Variants in PTPN12 observed in about 807,000 individuals in gnomAD.
PTPN12 encodes the protein tyrosine-protein phosphatase non-receptor type 12.
PTPN12 carries 29 observed loss-of-function variants against 97.6 expected under a neutral mutation model. That is an observed-to-expected ratio of 0.30 (90% confidence interval 0.22 to 0.41). PTPN12 has a LOEUF of 0.41. PTPN12 is among the 10% of genes least tolerant of loss of function. The pLI is 1.00. For missense variants in PTPN12, 819 were observed against 926.0 expected (o/e 0.88, Z 1.50); for synonymous variants, 327 against 300.4 (o/e 1.09, Z -0.91).
intron 9 of PTPN12, among the ~76,000 whole-genome samples, chr7:77,609,894 CAAAA>C (rs767927688): frequency 6.9e-6 from 1 of 143,916 alleles, no homozygotes; most frequent in Admixed American, 6.9e-5. Flanking sequence ...AAAAAAACAA[CAAAA>C]AAAAAACCCA....
At chr7:77,540,187 G>T (rs947293350) in intron 1 of PTPN12, among the ~76,000 whole-genome samples, 1 of 151,912 alleles carries the variant, frequency 6.6e-6, no homozygotes, top group Non-Finnish European at 1.5e-5. Flanking sequence ...TCATGCTTTG[G>T]GGATGAGTCA....
intron 9 of PTPN12, among the ~76,000 whole-genome samples, chr7:77,610,093 T>C (rs1300166436): frequency 1.3e-5 from 2 of 152,210 alleles, no homozygotes; most frequent in Non-Finnish European, 2.9e-5. Context: ...ATTGTGTGAA[T>C]ATCAGATCTT....
Position 77,627,142 on chromosome 7 carries a change from G to T in PTPN12, c.1463G>T (p.Gly488Val). ...PQELSSDLNV[G>V]DTSQNSCVDC... Reference sequence around the variant, plus strand: ...GAATTAAGTTCAGATCTAAATGTCGGTGATACTTCCCAGAATTCTTGTGTG... The same window carrying T: ...GAATTAAGTTCAGATCTAAATGTCGTTGATACTTCCCAGAATTCTTGTGTG... Residue 488 changes from glycine (G) to valine (V), a missense_variant, in exon 13 of 18, where the codon GGT becomes GTT. Transcript: ENST00000248594. The T allele has an allele frequency of 1.9e-6, 3 of 1,614,112 alleles. No individual in the cohort carries two copies. Among genetic ancestry groups the T allele is most frequent in the Non-Finnish European group, 2.5e-6 (3 of 1,180,002 alleles).
intron 6 of PTPN12, among the ~76,000 whole-genome samples, chr7:77,593,395 G>A (rs1421032125): frequency 3.9e-5 from 6 of 152,168 alleles, no homozygotes; most frequent in Non-Finnish European, 7.3e-5. Flanking sequence ...GATTTATTAC[G>A]AGGAATTGGC....
chr7:77,584,066 C>A (rs543469112), intron 4 of PTPN12, among the ~76,000 whole-genome samples: 1 of 152,050 alleles, frequency 6.6e-6, no homozygotes, highest in African/African-American at 2.4e-5. Flanking sequence ...TTCATCTATC[C>A]CTGGAGTTCA....
Position 77,623,793 on chromosome 7 carries a change from A to G in PTPN12, c.1026-2912A>G, listed in dbSNP as rs570492102. On this transcript the variant is annotated intron_variant, in intron 12 of 17. Coordinates refer to ENST00000248594, the MANE Select transcript of PTPN12 (RefSeq NM_002835.4). ...CACGTAGGGAAAATAATACACCTCAATTTATATCAAAATTTTATCTCATCC... is the reference window on the plus strand; with the variant it reads ...CACGTAGGGAAAATAATACACCTCAGTTTATATCAAAATTTTATCTCATCC... Among the ~76,000 whole-genome samples, 110 of 152,302 alleles carry G rather than the reference A, an allele frequency of 7.2e-4. 2 individuals are homozygous for G. Among genetic ancestry groups the G allele is most frequent in the African/African-American group, 2.2e-3 (93 of 41,560 alleles).
chr7:77,558,190 A>T (rs1807809586), intron 1 of PTPN12, among the ~76,000 whole-genome samples: 1 of 147,818 alleles, frequency 6.8e-6, no homozygotes, highest in Admixed American at 6.8e-5. Flanking sequence ...CAGCCTGGGC[A>T]ATAGAGCAAG....
chr7:77,608,705 A>G (rs940706685), intron 9 of PTPN12, among the ~76,000 whole-genome samples: 3 of 152,114 alleles, frequency 2.0e-5, no homozygotes, highest in African/African-American at 7.2e-5. Context: ...TTGCAAGGAA[A>G]TATTTACATG....
intron 12 of PTPN12, among the ~76,000 whole-genome samples, chr7:77,625,472 G>GCTCTCTCTCTCTCTCTCTCTCTCTTT (rs1789113162): frequency 3.3e-4 from 11 of 33,520 alleles, no homozygotes; most frequent in Non-Finnish European, 5.0e-4. Flanking sequence ...CAGGCTGCTC[G>GCTCTCTCTCTCTCTCTCTCTCTCTTT]CTCTCTCTCT....
intron 8 of PTPN12, among the ~76,000 whole-genome samples, chr7:77,604,149 A>C (rs1309690117): frequency 6.7e-6 from 1 of 149,630 alleles, no homozygotes; most frequent in Non-Finnish European, 1.5e-5. Flanking sequence ...CCACCTCCCA[A>C]AGTGCTGGGA....
chr7:77,537,714 G>A, intron 1 of PTPN12, 69 bp downstream of exon 1: 2 of 1,491,208 alleles, frequency 1.3e-6, no homozygotes, highest in Non-Finnish European at 1.8e-6. Flanking sequence ...CTCCCGGCCG[G>A]GCCGCCAGTG....
At chr7:77,561,855 G>T (rs539304905) in intron 1 of PTPN12, among the ~76,000 whole-genome samples, 3 of 150,674 alleles carry the variant, frequency 2.0e-5, no homozygotes, top group African/African-American at 7.3e-5. Flanking sequence ...GCAGTGGCAC[G>T]ATCTCGGCTC....
In PTPN12 at chr7:77,545,402, T is replaced by C. The variant is rs1807167477; in HGVS notation, c.99+7757T>C. 2.0e-5 allele frequency among the ~76,000 whole-genome samples: 3 copies of C among 152,102 alleles called. No homozygotes were observed. The South Asian group carries it at 6.2e-4, about 31-fold the overall frequency. On this transcript the variant is annotated intron_variant, in intron 1 of 17. Coordinates refer to ENST00000248594, the MANE Select transcript of PTPN12 (RefSeq NM_002835.4). ...TGGAAGCATGGTTTAATTTTTATTA[T>C]TAAAAATATAAGTTAAAAAAACTCA...
At chr7:77,551,968 G>GT (rs1323103754) in intron 1 of PTPN12, among the ~76,000 whole-genome samples, 1 of 152,166 alleles carries the variant, frequency 6.6e-6, no homozygotes, top group Non-Finnish European at 1.5e-5. Context: ...GAAACATAGG[G>GT]TGGGTGGTTA....
chr7:77,599,282 A>G (rs1354585849), intron 7 of PTPN12, among the ~76,000 whole-genome samples: 1 of 134,156 alleles, frequency 7.5e-6, no homozygotes, highest in African/African-American at 2.8e-5. Flanking sequence ...TTAGATATAT[A>G]TTGTTTTTAG....
chr7:77,628,080 T>C (rs1789265923), intron 13 of PTPN12, among the ~76,000 whole-genome samples: 2 of 152,332 alleles, frequency 1.3e-5, no homozygotes, highest in South Asian at 2.1e-4. Context: ...TCGTTTTTCC[T>C]AAATGTTTAG....
intron 1 of PTPN12, among the ~76,000 whole-genome samples, chr7:77,565,906 A>G (rs912000095): frequency 1.3e-5 from 2 of 152,248 alleles, no homozygotes; most frequent in Non-Finnish European, 2.9e-5. Flanking sequence ...ATTGGTCTAT[A>G]AAGTCCAGTA....
intron 11 of PTPN12, among the ~76,000 whole-genome samples, chr7:77,617,437 G>A (rs1403379416): frequency 1.3e-5 from 2 of 152,180 alleles, no homozygotes; most frequent in Non-Finnish European, 2.9e-5. Flanking sequence ...GAGATAGGGT[G>A]CACTTAAAAT....
intron 1 of PTPN12, among the ~76,000 whole-genome samples, chr7:77,543,210 T>C (rs1009301539): frequency 1.3e-5 from 2 of 152,090 alleles, no homozygotes; most frequent in East Asian, 1.9e-4. Context: ...ACAGTTTGGG[T>C]TGGGGTATGG....
Sources: gnomAD v4.1 joint callset for allele counts (sites outside exome capture counted in the v4.1 genomes callset) on GRCh38, gnomAD v4.1.1 for gene constraint, MANE v1.5 for transcripts, NCBI Gene and HGNC (gene_info 2026-07-23, HGNC 2026-07-21) for gene names.